GSE1: variants seen among roughly 807,000 people sequenced by gnomAD.
The protein encoded by GSE1 is genetic suppressor element 1.
In GSE1, 32 loss-of-function variants were observed where a neutral mutation model predicts 112.6. The observed-to-expected ratio is 0.28, with a 90% confidence interval of 0.21 to 0.38. The LOEUF is 0.38. GSE1 is among the 10% of genes least tolerant of loss of function. The pLI is 1.00. For missense variants in GSE1, 2,348 were observed against 1,699.2 expected (o/e 1.38, Z -6.71); for synonymous variants, 1,115 against 735.6 (o/e 1.52, Z -8.35).
At chr16:85,241,055 G>C (rs997032101) in intron 1 of GSE1, among the ~76,000 whole-genome samples, 1 of 152,180 alleles carries the variant, frequency 6.6e-6, no homozygotes, top group African/African-American at 2.4e-5. Context: ...GCCTGTCATG[G>C]TTTTCAAGGC....
chr16:85,422,853 C>T (rs1337128105), intron 2 of GSE1, among the ~76,000 whole-genome samples: 1 of 152,168 alleles, frequency 6.6e-6, no homozygotes, highest in Non-Finnish European at 1.5e-5. Context: ...CCTCTGGCTG[C>T]TCATTAACCA....
At chr16:85,218,049 C>T (rs1394422937) in intron 1 of GSE1, among the ~76,000 whole-genome samples, 2 of 152,128 alleles carry the variant, frequency 1.3e-5, no homozygotes, top group African/African-American at 4.8e-5. Flanking sequence ...TACAGGCACG[C>T]ACTACCACAC....
chr16:85,228,416 G>A (rs939367902), intron 1 of GSE1, among the ~76,000 whole-genome samples: 20 of 152,200 alleles, frequency 1.3e-4, no homozygotes, highest in African/African-American at 4.8e-4. Flanking sequence ...TTCGGGGAAG[G>A]CTGAGTCAGT....
rs536001457 is a variant in GSE1 at position 85,249,490 on chromosome 16, C to T, written c.2283+77683C>T. On this transcript the variant is annotated intron_variant, in intron 1 of 2. Transcript: ENST00000637419. ...GACCCTGAGTGGCAGTGCTGGGATG[C>T]CAGCCAGAGCTCTGGGTTCCGGGGG... 4.6e-5 allele frequency among the ~76,000 whole-genome samples: 7 copies of T among 152,308 alleles called. No homozygotes were observed. The East Asian group carries it at 1.4e-3, about 29-fold the overall frequency.
At chr16:85,313,921 TG>T (rs1279911209) in intron 1 of GSE1, among the ~76,000 whole-genome samples, 3 of 51,180 alleles carry the variant, frequency 5.9e-5, no homozygotes, top group African/African-American at 1.6e-4. Flanking sequence ...TGAGCCTCTG[TG>T]TGTGTGTGTG....
chr16:85,202,459 A>G (rs550406131), intron 1 of GSE1, among the ~76,000 whole-genome samples: 483 of 152,200 alleles, frequency 3.2e-3, no homozygotes, highest in African/African-American at 0.011. Context: ...TTGTAGAGAC[A>G]GGGTCTCACT....
At chr16:85,210,233 G>A (rs186158183) in intron 1 of GSE1, among the ~76,000 whole-genome samples, 17 of 152,324 alleles carry the variant, frequency 1.1e-4, no homozygotes, top group Non-Finnish European at 1.0e-4. Context: ...TCCTAAAGAA[G>A]TAACTCATAA....
intron 2 of GSE1, among the ~76,000 whole-genome samples, chr16:85,529,763 G>A (rs1027243712): frequency 1.3e-5 from 2 of 152,180 alleles, no homozygotes; most frequent in Admixed American, 6.5e-5. Flanking sequence ...GAACCTCACC[G>A]ATTAGACTGT....
intron 2 of GSE1, among the ~76,000 whole-genome samples, chr16:85,635,845 G>A (rs1319181600): frequency 2.0e-5 from 3 of 152,210 alleles, no homozygotes; most frequent in African/African-American, 7.2e-5. Context: ...GAAAGGGCAG[G>A]TTTCCCTCCT....
intron 2 of GSE1, among the ~76,000 whole-genome samples, chr16:85,538,209 C>T (rs1261897904): frequency 2.0e-5 from 3 of 152,206 alleles, no homozygotes; most frequent in Non-Finnish European, 4.4e-5. Context: ...CCGGCTGGCC[C>T]GCCAGCAATG....
chr16:85,291,710 C>T (rs764025546), intron 1 of GSE1, among the ~76,000 whole-genome samples: 1 of 152,206 alleles, frequency 6.6e-6, no homozygotes, highest in African/African-American at 2.4e-5. Flanking sequence ...CTGCCCTCAC[C>T]CTGTGGGGGT....
intron 2 of GSE1, among the ~76,000 whole-genome samples, chr16:85,433,116 C>T (rs2151763840): frequency 6.6e-6 from 1 of 152,064 alleles, no homozygotes. Flanking sequence ...AGCACCAGCC[C>T]CAGGCAGGTG....
chr16:85,508,315 G>A (rs547044059), intron 2 of GSE1, among the ~76,000 whole-genome samples: 2 of 152,154 alleles, frequency 1.3e-5, no homozygotes, highest in South Asian at 4.1e-4. Context: ...ATTACAGGCA[G>A]GAGCCACCAC....
In GSE1 at chr16:85,361,399, A is replaced by G. The variant is rs529047342; in HGVS notation, c.2464+3756A>G. On this transcript the variant is annotated intron_variant, in intron 2 of 2. Transcript: ENST00000637419. ...CAGACCCCCCCACACACAAACACAC[A>G]GACACACACACACAGGACACACATT... 7.9e-3 allele frequency among the ~76,000 whole-genome samples: 1,180 copies of G among 149,996 alleles called. 23 individuals carry two copies. Among genetic ancestry groups the G allele is most frequent in the African/African-American group, 0.028 (1,119 of 40,406 alleles).
rs979469218 is a variant in GSE1 at position 85,214,440 on chromosome 16, G to A, written c.2283+42633G>A. On this transcript the variant is annotated intron_variant, in intron 1 of 2. Transcript: ENST00000637419. ...CAGGCAGAGGTCGGAGTGATGCAGC[G>A]ACTGACCAAGCGATGCGCAGGATGG... Among the ~76,000 whole-genome samples the A allele has an allele frequency of 5.1e-4, 77 of 152,182 alleles. 2 individuals are homozygous for A. Among genetic ancestry groups the A allele is most frequent in the Non-Finnish European group, 2.4e-4 (16 of 68,034 alleles).
intron 2 of GSE1, among the ~76,000 whole-genome samples, chr16:85,492,766 C>G (rs554301078): frequency 5.3e-5 from 8 of 152,194 alleles, no homozygotes; most frequent in Non-Finnish European, 1.2e-4. Flanking sequence ...GACACATGAC[C>G]TCACGGTGCC....
chr16:85,548,225 C>T (rs1239786873), intron 2 of GSE1, among the ~76,000 whole-genome samples: 9 of 105,468 alleles, frequency 8.5e-5, no homozygotes, highest in Non-Finnish European at 1.3e-4. Context: ...GAGACTCTTT[C>T]TCAAAAAAAA....
chr16:85,388,246 G>A (rs1438835941), intron 2 of GSE1, among the ~76,000 whole-genome samples: 2 of 149,242 alleles, frequency 1.3e-5, no homozygotes, highest in Non-Finnish European at 3.0e-5. Context: ...ATGGATGGAT[G>A]GATGAATGGA....
At chr16:85,320,206 G>A (rs1045010464) in intron 1 of GSE1, among the ~76,000 whole-genome samples, 21 of 152,226 alleles carry the variant, frequency 1.4e-4, no homozygotes, top group African/African-American at 5.1e-4. Context: ...GTGGGCAGCC[G>A]TGGCCCCACC....
Sources: gnomAD v4.1 joint callset for allele counts (sites outside exome capture counted in the v4.1 genomes callset) on GRCh38, gnomAD v4.1.1 for gene constraint, MANE v1.5 for transcripts, NCBI Gene and HGNC (gene_info 2026-07-23, HGNC 2026-07-21) for gene names.